The following CTNNA3 variants were observed in gnomAD, a reference collection of about 807,000 sequenced individuals.
The protein encoded by CTNNA3 is catenin alpha-3.
In CTNNA3, 76 loss-of-function variants were observed where a neutral mutation model predicts 95.7. That is an observed-to-expected ratio of 0.79 (90% CI 0.66 to 0.96). CTNNA3 has a LOEUF of 0.96. Among genes scored for constraint, CTNNA3 ranks in the 40% least tolerant of loss-of-function variants. The probability of loss-of-function intolerance (pLI) is 0.00; values close to 1 mark genes in which losing one functional copy is unlikely to be tolerated. For synonymous variants in CTNNA3, 431 were observed against 374.4 expected, an observed-to-expected ratio of 1.15 and a Z score of -1.74; for missense variants, 1,191 against 1,089.8, an observed-to-expected ratio of 1.09 and a Z score of -1.31.
chr10:66,385,902 T>C (rs1224866824), intron 11 of CTNNA3, among the ~76,000 whole-genome samples: 1 of 152,210 alleles, frequency 6.6e-6, no homozygotes, highest in Non-Finnish European at 1.5e-5. Flanking sequence ...TGCTTCATGC[T>C]AAAAACTCTC....
At chr10:66,939,351 A>G (rs1308650605) in intron 7 of CTNNA3, among the ~76,000 whole-genome samples, 1 of 151,742 alleles carries the variant, frequency 6.6e-6, no homozygotes, top group Non-Finnish European at 1.5e-5. Context: ...TTTTCTTTCT[A>G]TCCAACTTTT....
chr10:67,389,566 A>G lies in CTNNA3; in HGVS notation c.579+132276T>C, dbSNP rs549886631. Among the ~76,000 whole-genome samples, 281 of 151,658 alleles carry G rather than the reference A, an allele frequency of 1.9e-3. 2 individuals are homozygous for G. Among genetic ancestry groups the G allele is most frequent in the African/African-American group, 6.5e-3 (270 of 41,328 alleles). ...GCTCTGCACCAAGCGGACCTAATAG[A>G]CATCTACAGAACTCTCCACCCCAAA... On this transcript the variant is annotated intron_variant, in intron 5 of 17. Transcript: ENST00000433211.
chr10:67,551,040 T>C (rs907457728), intron 3 of CTNNA3, among the ~76,000 whole-genome samples: 7 of 152,064 alleles, frequency 4.6e-5, no homozygotes, highest in Admixed American at 4.6e-4. Context: ...CCCACAGACC[T>C]AGGTGAGGAC....
intron 12 of CTNNA3, among the ~76,000 whole-genome samples, chr10:66,296,218 T>C (rs2091774512): frequency 6.6e-6 from 1 of 152,148 alleles, no homozygotes; most frequent in African/African-American, 2.4e-5. Flanking sequence ...TAAAGATTTA[T>C]AGGAAGAGGC....
chr10:67,355,133 C>T (rs535652997), intron 5 of CTNNA3, among the ~76,000 whole-genome samples: 1 of 151,958 alleles, frequency 6.6e-6, no homozygotes, highest in Non-Finnish European at 1.5e-5. Flanking sequence ...TGGGGTATGT[C>T]ATTGTGATGT....
chr10:67,606,705 G>C (rs2133378885), intron 3 of CTNNA3, 152 bp downstream of exon 3: 3 of 607,558 alleles, frequency 4.9e-6, no homozygotes. Context: ...GCTGTCTAAT[G>C]AGCCACTCTG....
In CTNNA3 at chr10:67,708,047, T is replaced by C. The variant is rs576546353; in HGVS notation, c.-2+55387A>G. On this transcript the variant is annotated intron_variant, in intron 1 of 17. Coordinates refer to the CTNNA3 transcript ENST00000684154. ...TCAGTCCGGGTGAATTTAGTGCTAA[T>C]GTTTTCAGTCTCATTTTAACTATTT... Among the ~76,000 whole-genome samples, 5 of 152,308 alleles carry C rather than the reference T, an allele frequency of 3.3e-5. No individual in the cohort carries two copies. In the South Asian group the frequency reaches 8.3e-4, roughly 25 times the overall value.
intron 5 of CTNNA3, among the ~76,000 whole-genome samples, chr10:67,362,780 A>G (rs1456783217): frequency 8.3e-6 from 1 of 120,728 alleles, no homozygotes; most frequent in Non-Finnish European, 1.9e-5. Flanking sequence ...AAAAAGAAAT[A>G]AAAGGCATTC....
intron 1 of CTNNA3, among the ~76,000 whole-genome samples, chr10:67,748,129 T>C (rs1233431575): frequency 1.3e-5 from 2 of 152,126 alleles, no homozygotes; most frequent in African/African-American, 4.8e-5. Context: ...CTATGATTTA[T>C]TGGAGTACCT....
intron 5 of CTNNA3, among the ~76,000 whole-genome samples, chr10:67,438,041 A>AG (rs1278312212): frequency 1.3e-5 from 2 of 152,128 alleles, no homozygotes; most frequent in East Asian, 3.8e-4. Context: ...CTAAAAAAAA[A>AG]GAAAAAGACT....
In CTNNA3 at chr10:66,891,440, A is replaced by T. The variant is rs561940246; in HGVS notation, c.1048-115916T>A. 8.1e-4 allele frequency among the ~76,000 whole-genome samples: 123 copies of T among 152,276 alleles called. 1 individual carries two copies. Among genetic ancestry groups the T allele is most frequent in the African/African-American group, 2.8e-3 (116 of 41,554 alleles). ...ACTTTTACACAAATTTCTAAAACAG[A>T]ATTTTGAAGGATATTTTGATTATAT... On this transcript the variant is annotated intron_variant, in intron 7 of 17. Transcript: ENST00000433211.
intron 5 of CTNNA3, among the ~76,000 whole-genome samples, chr10:67,260,462 G>GA (rs1181870967): frequency 2.8e-4 from 43 of 152,062 alleles, no homozygotes; most frequent in Middle Eastern, 3.4e-3. Context: ...CTTAAACACA[G>GA]AAAAAAATGT....
chr10:66,848,815 T>G (rs373977576), intron 7 of CTNNA3, among the ~76,000 whole-genome samples: 7 of 152,296 alleles, frequency 4.6e-5, no homozygotes, highest in African/African-American at 1.7e-4. Context: ...GCTGCAATAT[T>G]AATTCTGGAA....
chr10:66,308,847 G>C (rs1415795790), intron 12 of CTNNA3, among the ~76,000 whole-genome samples: 2 of 151,800 alleles, frequency 1.3e-5, no homozygotes. Flanking sequence ...AATTAATCAG[G>C]GTGACTTGAA....
intron 2 of CTNNA3, among the ~76,000 whole-genome samples, chr10:67,635,627 T>C (rs557455351): frequency 6.6e-6 from 1 of 152,270 alleles, no homozygotes; most frequent in South Asian, 2.1e-4. Context: ...CATCCCTTCA[T>C]GTTAAAAACT....
chr10:66,958,228 T>C (rs1392767285), intron 7 of CTNNA3, among the ~76,000 whole-genome samples: 1 of 150,984 alleles, frequency 6.6e-6, no homozygotes, highest in East Asian at 2.0e-4. Flanking sequence ...AACTGATTTA[T>C]TTGAAACAGG....
intron 9 of CTNNA3, among the ~76,000 whole-genome samples, chr10:66,733,624 T>G (rs1849036153): frequency 6.6e-6 from 1 of 151,832 alleles, no homozygotes; most frequent in South Asian, 2.1e-4. Context: ...CTAAAAAAAA[T>G]GCTTACTTAA....
At chr10:67,201,059 C>G (rs993276037) in intron 6 of CTNNA3, among the ~76,000 whole-genome samples, 3 of 152,108 alleles carry the variant, frequency 2.0e-5, no homozygotes, top group African/African-American at 7.2e-5. Flanking sequence ...CACCGGAGTT[C>G]CTACTCTGCA....
chr10:66,130,406 C>A (rs2083030845), intron 13 of CTNNA3, among the ~76,000 whole-genome samples: 1 of 149,226 alleles, frequency 6.7e-6, no homozygotes, highest in South Asian at 2.1e-4. Flanking sequence ...CCATTCAAAA[C>A]ATCAACAAAA....
Sources: allele counts gnomAD v4.1 joint callset (sites outside exome capture counted in the v4.1 genomes callset), GRCh38; gene constraint gnomAD v4.1.1; transcripts MANE v1.5; gene names NCBI Gene and HGNC (gene_info 2026-07-23, HGNC 2026-07-21).